NRP1: variants seen among roughly 807,000 people sequenced by gnomAD.
NRP1 encodes the protein neuropilin 1.
Under a neutral mutation model 106.7 loss-of-function variants are expected in NRP1, and 35 were observed. That is an observed-to-expected ratio of 0.33 (90% CI 0.25 to 0.43). The LOEUF (loss-of-function observed/expected upper bound fraction) is 0.43. Among genes scored for constraint, NRP1 ranks in the 20% least tolerant of loss-of-function variants. The pLI is 1.00. For missense variants in NRP1, 1,024 were observed against 1,170.4 expected (o/e 0.87, Z 1.83); for synonymous variants, 437 against 417.9 (o/e 1.05, Z -0.56).
intron 3 of NRP1, among the ~76,000 whole-genome samples, chr10:33,268,467 AAAG>A (rs1377140478): frequency 2.0e-5 from 3 of 152,216 alleles, no homozygotes; most frequent in Non-Finnish European, 4.4e-5. Context: ...ACAAAGAACA[AAAG>A]AAGACTTCAA....
intron 6 of NRP1, among the ~76,000 whole-genome samples, chr10:33,237,298 A>C (rs1199580888): frequency 1.3e-5 from 2 of 152,130 alleles, no homozygotes; most frequent in Non-Finnish European, 2.9e-5. Flanking sequence ...GCCTAGTGAT[A>C]AGTGGGGCAT....
chr10:33,207,458 G>A lies in NRP1; in HGVS notation c.1759+114C>T. 2.6e-6 allele frequency: 3 copies of A among 1,143,978 alleles called. No individual in the cohort carries two copies. In the South Asian group the frequency reaches 4.4e-5, roughly 17 times the overall value. The allele number at this position is 1,143,978 out of a possible 1,614,324, so 70.9% of individuals were successfully genotyped here. ...CACTGATGGGCAGGCACCGAGATAA[G>A]GGGCCTCCCAAGGGAAAAGGGTAGG... On this transcript the variant is annotated intron_variant, in intron 10 of 16. Coordinates refer to ENST00000374867, the MANE Select transcript of NRP1 (RefSeq NM_003873.7).
intron 10 of NRP1, among the ~76,000 whole-genome samples, chr10:33,206,810 C>G (rs1018261314): frequency 6.6e-6 from 1 of 152,154 alleles, no homozygotes; most frequent in East Asian, 1.9e-4. Context: ...ATAACCCACT[C>G]AAAACATTCA....
At chr10:33,181,560 G>C (rs1238785061) in intron 16 of NRP1, among the ~76,000 whole-genome samples, 1 of 152,230 alleles carries the variant, frequency 6.6e-6, no homozygotes, top group African/African-American at 2.4e-5. Context: ...GTGTCCAACA[G>C]CCCACAATGC....
At chr10:33,251,401 T>C (rs1841846407) in intron 6 of NRP1, among the ~76,000 whole-genome samples, 1 of 149,866 alleles carries the variant, frequency 6.7e-6, no homozygotes, top group Non-Finnish European at 1.5e-5. Flanking sequence ...AACAGACTAA[T>C]ACACTCTGCC....
rs182455071 is a variant in NRP1, at chr10:33,257,754, G to A, written c.659-1283C>T. The stretch of plus-strand genomic sequence containing the variant: ...GCCTTGGGAAGAGTGCAGAACCCCC[G>A]TGGATGGCAAATCTCTCCATTTCCC... On this transcript the variant is annotated intron_variant, in intron 4 of 16. Coordinates refer to ENST00000374867, the MANE Select transcript of NRP1 (RefSeq NM_003873.7). Among the ~76,000 whole-genome samples the A allele has an allele frequency of 1.2e-4, 19 of 152,220 alleles. No homozygotes were observed. In the East Asian group the frequency reaches 2.5e-3, roughly 20 times the overall value.
intron 15 of NRP1, 84 bp from the exon 16 acceptor site, chr10:33,182,832 TGCAC>T (rs2132576382): frequency 1.3e-6 from 1 of 758,812 alleles, no homozygotes. Context: ...TTTAGGTACA[TGCAC>T]ACACACACAC....
At chr10:33,309,783 C>G (rs532475088) in intron 2 of NRP1, among the ~76,000 whole-genome samples, 1 of 152,152 alleles carries the variant, frequency 6.6e-6, no homozygotes, top group Non-Finnish European at 1.5e-5. Flanking sequence ...TGCCCTTCTA[C>G]GAAAAGTCAA....
chr10:33,251,930 C>T (rs1841890962), intron 6 of NRP1, among the ~76,000 whole-genome samples: 1 of 152,014 alleles, frequency 6.6e-6, no homozygotes, highest in African/African-American at 2.4e-5. Context: ...AAAGGAGAGT[C>T]CCTGGCTAGG....
intron 6 of NRP1, among the ~76,000 whole-genome samples, chr10:33,242,514 C>T (rs929482019): frequency 3.9e-5 from 6 of 152,128 alleles, no homozygotes; most frequent in East Asian, 1.9e-4. Context: ...TGTTACACCC[C>T]ATTTTTTAAG....
intron 2 of NRP1, among the ~76,000 whole-genome samples, chr10:33,284,501 A>T (rs1055148476): frequency 6.6e-5 from 10 of 152,232 alleles, no homozygotes; most frequent in Non-Finnish European, 4.4e-5. Context: ...GTTGAAACTT[A>T]TTAAAAACAT....
At chr10:33,294,235 C>T (rs967787888) in intron 2 of NRP1, among the ~76,000 whole-genome samples, 46 of 152,152 alleles carry the variant, frequency 3.0e-4, no homozygotes, top group African/African-American at 9.7e-4. Flanking sequence ...GAGAATATAG[C>T]CAGAGTGTGA....
chr10:33,285,833 AAAAACAAAAC>A (rs56400487), intron 2 of NRP1, among the ~76,000 whole-genome samples: 90 of 148,176 alleles, frequency 6.1e-4, no homozygotes, highest in Non-Finnish European at 8.5e-4. Context: ...ACTCCATCTC[AAAAACAAAAC>A]AAAACAAAAC....
chr10:33,315,253 A>G (rs1355767193), intron 2 of NRP1, among the ~76,000 whole-genome samples: 1 of 152,234 alleles, frequency 6.6e-6, no homozygotes, highest in East Asian at 1.9e-4. Context: ...TCAAGCTTTT[A>G]AAAATAGAGG....
At position 33,274,123 on chromosome 10, in the gene NRP1, T is replaced by C. The variant is rs564329588; in HGVS notation, c.249-3267A>G. 7.9e-5 allele frequency among the ~76,000 whole-genome samples: 12 copies of C among 152,288 alleles called. No individual in the cohort carries two copies. In the South Asian group the frequency reaches 2.5e-3, roughly 32 times the overall value. ...GGGTAAACATTTATTGCCAAGGAACTCAAAGATAAATCTCTGCCTAAACCC... is the reference window on the plus strand; with the variant it reads ...GGGTAAACATTTATTGCCAAGGAACCCAAAGATAAATCTCTGCCTAAACCC... On this transcript the variant is annotated intron_variant, in intron 2 of 16. Coordinates refer to ENST00000374867, the MANE Select transcript of NRP1 (RefSeq NM_003873.7).
At chr10:33,302,764 G>A (rs1845891283) in intron 2 of NRP1, among the ~76,000 whole-genome samples, 1 of 152,186 alleles carries the variant, frequency 6.6e-6, no homozygotes, top group Non-Finnish European at 1.5e-5. Flanking sequence ...GGGACAGAAG[G>A]ACTGCATGAA....
intron 2 of NRP1, among the ~76,000 whole-genome samples, chr10:33,284,702 A>G (rs2804470): frequency 0.11 from 16,622 of 152,066 alleles, 1,084 homozygotes; most frequent in East Asian, 0.29. Context: ...TTTGATAGTA[A>G]TTAGGGAAAT....
rs541109845 is a variant in NRP1 at position 33,203,069 on chromosome 10, T to C, written c.1760-74A>G. On this transcript the variant is annotated intron_variant, in intron 10 of 16. Coordinates refer to ENST00000374867, the MANE Select transcript of NRP1 (RefSeq NM_003873.7). ...TCAAGCCTCTGGCTGTTGGATCTGC[T>C]AACGCTTATGCAGAAAACTTTAATC... The C allele has an allele frequency of 4.1e-5, 60 of 1,473,146 alleles. No individual in the cohort carries two copies. The South Asian group carries it at 7.6e-4, about 19-fold the overall frequency. 91.3% of individuals were successfully genotyped at this position (1,473,146 alleles called of 1,614,324 possible). A position where few individuals can be genotyped will look rare whatever the true frequency, so the allele number is the denominator to read the frequency against.
chr10:33,222,498 G>GATTGATTGATTT (rs1554783973), intron 7 of NRP1, among the ~76,000 whole-genome samples: 1 of 103,954 alleles, frequency 9.6e-6, no homozygotes, highest in African/African-American at 3.2e-5. Flanking sequence ...TGTGCGTCAA[G>GATTGATTGATTT]ATTTATTTAT....
Sources: gnomAD v4.1 joint callset for allele counts (sites outside exome capture counted in the v4.1 genomes callset) on GRCh38, gnomAD v4.1.1 for gene constraint, MANE v1.5 for transcripts, NCBI Gene and HGNC (gene_info 2026-07-23, HGNC 2026-07-21) for gene names.